Variants in FKTN observed in about 807,000 individuals in gnomAD.
The protein encoded by FKTN is fukutin, also known as ribitol-5-phosphate transferase FKTN.
FKTN carries 47 observed loss-of-function variants against 58.6 expected under a neutral mutation model. That is an observed-to-expected ratio of 0.80 (90% confidence interval 0.63 to 1.02). FKTN has a LOEUF of 1.02. Among genes scored for constraint, FKTN ranks in the 50% least tolerant of loss-of-function variants. The pLI, the probability that FKTN is intolerant of heterozygous loss-of-function variation, is 0.00. For missense variants in FKTN, 516 were observed against 537.3 expected (o/e 0.96, Z 0.39); for synonymous variants, 178 against 191.9 (o/e 0.93, Z 0.60).
At chr9:105,628,307 A>G (rs1832982990) in intron 10 of FKTN, among the ~76,000 whole-genome samples, 1 of 152,194 alleles carries the variant, frequency 6.6e-6, no homozygotes, top group South Asian at 2.1e-4. Context: ...TATACCTCCA[A>G]ACCGCTAGTA....
chr9:105,611,523 C>A (rs1298551154), intron 7 of FKTN, among the ~76,000 whole-genome samples: 1 of 151,942 alleles, frequency 6.6e-6, no homozygotes, highest in East Asian at 1.9e-4. Context: ...CCAAAAGAAC[C>A]CATTGTGTGT....
chr9:105,615,453 T>C, intron 8 of FKTN, 46 bp downstream of exon 8: 1 of 1,601,074 alleles, frequency 6.2e-7, no homozygotes, highest in East Asian at 2.2e-5. Flanking sequence ...CATTTTGTCC[T>C]CTGGCTTTAG....
chr9:105,580,085 A>G (rs1203234206), intron 3 of FKTN, among the ~76,000 whole-genome samples: 2 of 151,870 alleles, frequency 1.3e-5, no homozygotes, highest in Non-Finnish European at 2.9e-5. Context: ...GGGTTTCCTG[A>G]ATACAGCATA....
At chr9:105,558,636 GA>G (rs562757053) in intron 1 of FKTN, among the ~76,000 whole-genome samples, 4,195 of 133,188 alleles carry the variant, frequency 0.031, 180 homozygotes, top group African/African-American at 0.1. Context: ...GTCAGATGTG[GA>G]AAAAAAAAAA....
intron 5 of FKTN, 123 bp from the exon 6 acceptor site, chr9:105,604,092 T>C (rs1434295158): frequency 2.0e-6 from 2 of 983,854 alleles, no homozygotes; most frequent in East Asian, 4.9e-5. Context: ...ACAGAGCAGA[T>C]TAGCACAAAA....
intron 1 of FKTN, among the ~76,000 whole-genome samples, chr9:105,568,602 C>G (rs558722456): frequency 1.3e-5 from 2 of 152,304 alleles, no homozygotes; most frequent in South Asian, 2.1e-4. Flanking sequence ...CCATCTCACA[C>G]CAGTTAGAAT....
chr9:105,567,249 G>A lies in FKTN; in HGVS notation c.-180-6406G>A, dbSNP rs546899230. 1.4e-4 allele frequency among the ~76,000 whole-genome samples: 22 copies of A among 152,318 alleles called. No homozygotes were observed. In the South Asian group the frequency reaches 4.3e-3, roughly 30 times the overall value. On this transcript the variant is annotated intron_variant, in intron 1 of 10. Coordinates refer to ENST00000357998, the MANE Select transcript of FKTN (RefSeq NM_001079802.2). ...TTGAAAACTGGCACAAGACAGGGATGCCCTCTCTCACCACTCCTATTCAGC... is the reference window on the plus strand; with the variant it reads ...TTGAAAACTGGCACAAGACAGGGATACCCTCTCTCACCACTCCTATTCAGC...
intron 3 of FKTN, among the ~76,000 whole-genome samples, chr9:105,594,041 G>A (rs912407890): frequency 1.3e-5 from 2 of 152,076 alleles, no homozygotes; most frequent in African/African-American, 4.8e-5. Context: ...GTTTTAAGAT[G>A]GAATAAATAA....
chr9:105,564,349 C>T lies in FKTN; in HGVS notation c.-181+6184C>T, dbSNP rs143960849. Among the ~76,000 whole-genome samples the T allele has an allele frequency of 3.0e-3, 459 of 152,248 alleles. 1 individual carries two copies. Among genetic ancestry groups the T allele is most frequent in the African/African-American group, 9.9e-3 (411 of 41,542 alleles). On this transcript the variant is annotated intron_variant, in intron 1 of 10. Transcript: ENST00000357998. ...AAGGCTTCAGACGATCAAACTTCTC[C>T]GAGCTAAAGGAGGAAGTTCAAACCC...
intron 1 of FKTN, among the ~76,000 whole-genome samples, chr9:105,558,596 G>T (rs1837644970): frequency 6.6e-6 from 1 of 151,402 alleles, no homozygotes; most frequent in African/African-American, 2.4e-5. Flanking sequence ...TTAACATGAG[G>T]TAAGCCACAT....
chr9:105,564,307 C>T (rs7864020), intron 1 of FKTN, among the ~76,000 whole-genome samples: 82,281 of 152,058 alleles, frequency 0.54, 22,526 homozygotes, highest in East Asian at 0.71. Flanking sequence ...AGAATGACTT[C>T]GACAAGTTGA....
chr9:105,570,257 C>G (rs549311350), intron 1 of FKTN, among the ~76,000 whole-genome samples: 1 of 151,936 alleles, frequency 6.6e-6, no homozygotes, highest in African/African-American at 2.4e-5. Context: ...TTTTAGTATA[C>G]TTAGCATACT....
chr9:105,639,642 GA>G lies in FKTN; in HGVS notation c.*4388del, dbSNP rs148253503. The G allele has an allele frequency of 0.036, 33,091 of 911,408 alleles. 1,300 individuals carry two copies. The highest frequency in any genetic ancestry group is 0.2 in the African/African-American group (10,804 of 54,920). 56.5% of individuals were successfully genotyped at this position (911,408 alleles called of 1,614,324 possible). A position where few individuals can be genotyped will look rare whatever the true frequency, so the allele number is the denominator to read the frequency against. ...AGATTGCATGACTGAATTTGCTTAAGAAAAAAAAAATTGTATCAAGTCATTA... is the reference window on the plus strand; with the variant it reads ...AGATTGCATGACTGAATTTGCTTAAGAAAAAAAAATTGTATCAAGTCATTA... On this transcript the variant is annotated 3_prime_UTR_variant, in exon 11 of 11. Transcript: ENST00000357998.
chr9:105,597,479 A>G (rs1379494456), intron 4 of FKTN, among the ~76,000 whole-genome samples: 1 of 152,188 alleles, frequency 6.6e-6, no homozygotes, highest in African/African-American at 2.4e-5. Flanking sequence ...TTTATTAAAA[A>G]TAGCAATTGT....
At chr9:105,570,694 AT>A (rs200871080) in intron 1 of FKTN, among the ~76,000 whole-genome samples, 4 of 150,628 alleles carry the variant, frequency 2.7e-5, no homozygotes, top group South Asian at 2.1e-4. Context: ...AGTGCTTAGC[AT>A]TTTTTTTTGG....
At chr9:105,610,393 G>A (rs566165553) in intron 7 of FKTN, among the ~76,000 whole-genome samples, 4 of 151,872 alleles carry the variant, frequency 2.6e-5, no homozygotes, top group Non-Finnish European at 5.9e-5. Flanking sequence ...TCTCCAGTCC[G>A]GTTAAAAGTT....
chr9:105,597,975 G>A lies in FKTN; in HGVS notation c.165+1318G>A, dbSNP rs1157960860. The A allele has an allele frequency of 2.1e-5, 7 of 336,924 alleles. No individual in the cohort carries two copies. The East Asian group carries it at 4.9e-4, about 24-fold the overall frequency. 20.9% of individuals were successfully genotyped at this position (336,924 alleles called of 1,614,324 possible). A position where few individuals can be genotyped will look rare whatever the true frequency, so the allele number is the denominator to read the frequency against. ...CCAAACCTTTTAGTAAATAGAGAGA[G>A]CAGTCAGAGAAAGTACAGGTTCACT... is the stretch of plus-strand genomic sequence containing the variant. On this transcript the variant is annotated intron_variant, in intron 4 of 10. Transcript: ENST00000357998.
rs115404123 is a variant in FKTN, at chr9:105,582,228, G to A, written c.105+7091G>A. Among the ~76,000 whole-genome samples, 1,399 of 152,004 alleles carry A rather than the reference G, an allele frequency of 9.2e-3. 22 individuals carry two copies. The highest frequency in any genetic ancestry group is 0.032 in the African/African-American group (1,327 of 41,454). Reference sequence around the variant, plus strand: ...TTTTTTTAAGAGAGGATCTCGCTTCGTCACCCAGGCTGAAGTACAGTGGCA... The same window carrying A: ...TTTTTTTAAGAGAGGATCTCGCTTCATCACCCAGGCTGAAGTACAGTGGCA... On this transcript the variant is annotated intron_variant, in intron 3 of 10. Coordinates refer to ENST00000357998, the MANE Select transcript of FKTN (RefSeq NM_001079802.2).
rs567609040 is a variant in FKTN, at chr9:105,634,048, T to G, written c.1173-1003T>G. Among the ~76,000 whole-genome samples, 16 of 152,326 alleles carry G rather than the reference T, an allele frequency of 1.1e-4. 1 individual carries two copies. In the South Asian group the frequency reaches 2.3e-3, roughly 22 times the overall value. ...TATAAACTTAAACAGACCTGCTAGT[T>G]TTAGCTTTCTTTTCTAGTATACATA... On this transcript the variant is annotated intron_variant, in intron 10 of 10. Transcript: ENST00000357998.
Sources: gnomAD v4.1 joint callset for allele counts (sites outside exome capture counted in the v4.1 genomes callset) on GRCh38, gnomAD v4.1.1 for gene constraint, MANE v1.5 for transcripts, NCBI Gene and HGNC (gene_info 2026-07-23, HGNC 2026-07-21) for gene names.